Variants in ABCF2 observed in about 807,000 individuals in gnomAD.
ABCF2 encodes ATP-binding cassette sub-family F member 2.
In ABCF2, 37 loss-of-function variants were observed where a neutral mutation model predicts 76.9. The ratio of observed to expected loss-of-function variants is 0.48; its 90% CI spans 0.37 to 0.63. The LOEUF is 0.63. Among genes scored for constraint, ABCF2 ranks in the 30% least tolerant of loss-of-function variants. The pLI, the probability that ABCF2 is intolerant of heterozygous loss-of-function variation, is 0.00. For synonymous variants in ABCF2, 299 were observed against 283.7 expected (o/e 1.05, Z -0.54); for missense variants, 524 against 782.1 (o/e 0.67, Z 3.94).
Position 151,213,093 on chromosome 7 carries a change from T to G in ABCF2, c.*961A>C. The G allele has an allele frequency of 2.0e-6, 2 of 985,344 alleles. No individual in the cohort carries two copies. Among genetic ancestry groups the G allele is most frequent in the Non-Finnish European group, 2.4e-6 (2 of 829,858 alleles). 61.0% of individuals were successfully genotyped at this position (985,344 alleles called of 1,614,324 possible). A position where few individuals can be genotyped will look rare whatever the true frequency, so the allele number is the denominator to read the frequency against. ...TTTTTAACAAGCAGCCCAACTGCTG[T>G]GCAGTTGGGGCAGAACCTCAGATCA... On this transcript the variant is annotated 3_prime_UTR_variant, in exon 15 of 15. Coordinates refer to ENST00000287844, the MANE Select transcript of ABCF2 (RefSeq NM_007189.3).
intron 3 of ABCF2, 45 bp downstream of exon 3, chr7:151,224,731 T>G: frequency 1.8e-5 from 28 of 1,524,744 alleles, no homozygotes; most frequent in Non-Finnish European, 2.3e-5. Flanking sequence ...GAGTGACAGA[T>G]GAGCTAAGGA....
At chr7:151,216,492 C>CA (rs1329685034) in intron 11 of ABCF2, among the ~76,000 whole-genome samples, 1 of 152,064 alleles carries the variant, frequency 6.6e-6, no homozygotes, top group Non-Finnish European at 1.5e-5. Flanking sequence ...TTTTTGGTCA[C>CA]AAAAAAAGAT....
Position 151,215,944 on chromosome 7 carries a change from G to A in ABCF2, c.1401+23C>T, listed in dbSNP as rs778262955. The A allele has an allele frequency of 2.3e-5, 37 of 1,613,180 alleles. No individual in the cohort carries two copies. Among genetic ancestry groups the A allele is most frequent in the East Asian group, 6.7e-5 (3 of 44,860 alleles). Reference sequence around the variant, plus strand: ...CTCCCTATACCCTGGGCAATTCCCCGGATCCCAACCCCAGGCCTGTACCTG... The same window carrying A: ...CTCCCTATACCCTGGGCAATTCCCCAGATCCCAACCCCAGGCCTGTACCTG... On this transcript the variant is annotated intron_variant, in intron 12 of 14. Coordinates refer to ENST00000287844, the MANE Select transcript of ABCF2 (RefSeq NM_007189.3). The surrounding 1 kb of genome is among the most constrained non-coding windows in gnomAD (Gnocchi z 4.6).
rs1232524653 is a variant in ABCF2, at chr7:151,212,189, G to A, written c.*1865C>T. 1.0e-6 allele frequency: 1 copy of A among 985,318 alleles called. No individual in the cohort carries two copies. The highest frequency in any genetic ancestry group is 1.7e-5 in the African/African-American group (1 of 57,244). The allele number at this position is 985,318 out of a possible 1,614,324, so 61.0% of individuals were successfully genotyped here. A position where few individuals can be genotyped will look rare whatever the true frequency, so the allele number is the denominator to read the frequency against. On this transcript the variant is annotated 3_prime_UTR_variant, in exon 15 of 15. Coordinates refer to ENST00000287844, the MANE Select transcript of ABCF2 (RefSeq NM_007189.3). ...GTATTATGAGTACTGAAAAATCATG[G>A]CTGTGTCTTCCCATAGGGATGGCTG...
chr7:151,216,364 C>T (rs539504699), intron 11 of ABCF2, among the ~76,000 whole-genome samples: 2 of 152,256 alleles, frequency 1.3e-5, no homozygotes, highest in Admixed American at 1.3e-4. Flanking sequence ...TCACTGTCAT[C>T]GATAGGTTCT....
In ABCF2 at chr7:151,215,756, C is replaced by T. The variant is rs760611900; in HGVS notation, c.1402-24G>A. 6 of 1,613,958 alleles carry T rather than the reference C, an allele frequency of 3.7e-6. No individual in the cohort carries two copies. The highest frequency in any genetic ancestry group is 1.3e-5 in the African/African-American group (1 of 74,926). ...TGCTACAGGAAAAATGGAAGCCACCCGGGTGTGACTGGCATCCCGCTTCAA... is the reference window on the plus strand; with the variant it reads ...TGCTACAGGAAAAATGGAAGCCACCTGGGTGTGACTGGCATCCCGCTTCAA... On this transcript the variant is annotated intron_variant, in intron 12 of 14. Transcript: ENST00000287844. The surrounding 1 kb of genome is among the most constrained non-coding windows in gnomAD (Gnocchi z 4.6).
At chr7:151,219,859 G>A (rs1355608632) in intron 7 of ABCF2, among the ~76,000 whole-genome samples, 1 of 152,202 alleles carries the variant, frequency 6.6e-6, no homozygotes, top group Non-Finnish European at 1.5e-5. Flanking sequence ...AGCACTTTGG[G>A]AGGCTGAGGT....
At position 151,224,769 on chromosome 7, in the gene ABCF2, G is replaced by A. The variant is rs771767880; in HGVS notation, c.367+7C>T. 3.7e-6 allele frequency: 6 copies of A among 1,613,330 alleles called. No homozygotes were observed. In the South Asian group the frequency reaches 5.5e-5, roughly 15 times the overall value. ...GATACCTCCCACCTCCCCTTCCAAG[G>A]CCTCACCAATTCCATTTAAACCAAT... On this transcript the variant is annotated splice_region_variant and intron_variant, in intron 3 of 14. Transcript: ENST00000287844.
intron 1 of ABCF2, chr7:151,226,811 C>G (rs1434502011): frequency 5.2e-6 from 1 of 192,310 alleles, no homozygotes; most frequent in Non-Finnish European, 1.1e-5. Flanking sequence ...TCTCCGTCTC[C>G]GGTTTCCCTA....
chr7:151,220,466 G>A (rs1424196609), intron 7 of ABCF2, among the ~76,000 whole-genome samples: 1 of 151,756 alleles, frequency 6.6e-6, no homozygotes, highest in African/African-American at 2.4e-5. Flanking sequence ...ACAAATGTGT[G>A]CAAGTATACA....
At chr7:151,224,171 C>T in intron 3 of ABCF2, 57 bp from the exon 4 acceptor site, 1 of 1,557,344 alleles carries the variant, frequency 6.4e-7, no homozygotes, top group Non-Finnish European at 8.7e-7. Context: ...CCCTCTTCAC[C>T]ACTAGTTCTT....
At chr7:151,226,281 C>T (rs565958321) in intron 2 of ABCF2, 24 bp downstream of exon 2, 14 of 1,609,934 alleles carry the variant, frequency 8.7e-6, no homozygotes, top group Non-Finnish European at 1.2e-5. Flanking sequence ...CAACCATCCC[C>T]AACTCACCCC....
intron 11 of ABCF2, 111 bp from the exon 12 acceptor site, chr7:151,216,140 T>G: frequency 1.1e-6 from 1 of 892,724 alleles, no homozygotes; most frequent in Non-Finnish European, 1.8e-6. Flanking sequence ...CTCAACTTCC[T>G]AAAAAGAATA....
At position 151,224,942 on chromosome 7, in the gene ABCF2, T is replaced by A. The variant is rs202011427; in HGVS notation, c.201A>T (p.Lys67Asn). The A allele has an allele frequency of 6.2e-7, 1 of 1,614,220 alleles. No individual in the cohort carries two copies. ...TKELEDFEMK[K>N]AAARAVTGVL... ...CGCCAGTGACAGCTCGAGCAGCAGC[T>A]TTCTTCATCTCAAAGTCCTCTAGCT... The change falls in exon 3 of 15, where the codon AAA becomes AAT. Residue 67 changes from lysine (K) to asparagine (N), a missense_variant. By Grantham distance (94) the Lys-to-Asn change is moderately conservative. Coordinates refer to ENST00000287844, the MANE Select transcript of ABCF2 (RefSeq NM_007189.3).
chr7:151,216,896 G>GT (rs1457614987), intron 11 of ABCF2, among the ~76,000 whole-genome samples: 1 of 152,256 alleles, frequency 6.6e-6, no homozygotes, highest in South Asian at 2.1e-4. Context: ...TAAAAACAAG[G>GT]TAAGATATTT....
chr7:151,223,577 A>C, intron 5 of ABCF2, 101 bp downstream of exon 5: 1 of 1,351,686 alleles, frequency 7.4e-7, no homozygotes, highest in Non-Finnish European at 1.0e-6. Context: ...CTCATTTGAC[A>C]CTTACCACTG....
intron 7 of ABCF2, among the ~76,000 whole-genome samples, chr7:151,220,266 G>A (rs1802239772): frequency 6.6e-6 from 1 of 151,750 alleles, no homozygotes; most frequent in African/African-American, 2.4e-5. Context: ...GCATGCGCCT[G>A]TAGTCCCAGC....
chr7:151,222,725 G>T, intron 5 of ABCF2, 109 bp from the exon 6 acceptor site: 1 of 793,454 alleles, frequency 1.3e-6, no homozygotes, highest in Non-Finnish European at 2.0e-6. Context: ...CCTGGCTTGA[G>T]TCTTGAAATC....
intron 8 of ABCF2, 95 bp downstream of exon 8, chr7:151,218,969 A>T: frequency 6.2e-7 from 1 of 1,609,180 alleles, no homozygotes; most frequent in Non-Finnish European, 8.5e-7. Context: ...TCTTCCCGAC[A>T]TCCTCCATCA....
Sources: allele counts gnomAD v4.1 joint callset (sites outside exome capture counted in the v4.1 genomes callset), GRCh38; gene constraint gnomAD v4.1.1; non-coding constraint Gnocchi (gnomAD v3.1); transcripts MANE v1.5; gene names NCBI Gene and HGNC (gene_info 2026-07-23, HGNC 2026-07-21).